Variants in HNRNPA3 observed in about 807,000 individuals in gnomAD.
The protein encoded by HNRNPA3 is epididymis secretory sperm binding protein.
HNRNPA3 carries 3 observed loss-of-function variants against 45.8 expected under a neutral mutation model. That is an observed-to-expected ratio of 0.07 (90% CI 0.03 to 0.17). The LOEUF is 0.17. HNRNPA3 is among the 10% of genes least tolerant of loss of function. The probability of loss-of-function intolerance (pLI) is 1.00; values close to 1 mark genes in which losing one functional copy is unlikely to be tolerated. For missense variants in HNRNPA3, 183 were observed against 480.3 expected (o/e 0.38, Z 5.79); for synonymous variants, 170 against 155.6 (o/e 1.09, Z -0.69).
At chr2:177,223,291 ATTG>A (rs1471780444), downstream of HNRNPA3, 1 of 151,616 alleles carries the variant, frequency 6.6e-6, no homozygotes, top group Non-Finnish European at 1.5e-5. Context: ...TTTTAAGGGC[ATTG>A]TTCTTTCTAG....
Position 177,217,864 on chromosome 2 carries a change from T to C in HNRNPA3, c.961+19T>C, listed in dbSNP as rs200195377. The C allele has an allele frequency of 6.3e-5, 97 of 1,540,568 alleles. No individual in the cohort carries two copies. The highest frequency in any genetic ancestry group is 8.2e-5 in the Non-Finnish European group (94 of 1,146,446). ...GGCGGTGGTAAGCATTCACTTGTTT[T>C]ATTTAAATGTTAAATATTCAGTGTT... On this transcript the variant is annotated intron_variant, in intron 8 of 10. Coordinates refer to ENST00000392524, the Ensembl canonical transcript of HNRNPA3.
intron 1 of HNRNPA3, among the ~76,000 whole-genome samples, chr2:177,214,240 A>G (rs1283010378): frequency 6.6e-6 from 1 of 152,260 alleles, no homozygotes; most frequent in African/African-American, 2.4e-5. Context: ...TAGTCAGACA[A>G]TACATACCAT....
At chr2:177,223,809 AATGTT>A (rs1206891911), downstream of HNRNPA3, 1 of 152,222 alleles carries the variant, frequency 6.6e-6, no homozygotes, top group African/African-American at 2.4e-5. Flanking sequence ...AGTATAATGA[AATGTT>A]TACAGAAAGA....
Position 177,217,751 on chromosome 2 carries a change from T to C in HNRNPA3, c.867T>C (p.Tyr289=), listed in dbSNP as rs565414173. The change falls in exon 8 of 11, where the codon TAT becomes TAC. Residue 289 remains tyrosine, a synonymous_variant. Transcript: ENST00000392524. ...CTGGTTATAGTAGTAGAGGGGGCTA[T>C]GGTGGTGGTGGACCAGGATATGGAA... The C allele has an allele frequency of 6.0e-4, 965 of 1,613,112 alleles. 14 individuals carry two copies. In the South Asian group the frequency reaches 0.01, roughly 17 times the overall value.
downstream of HNRNPA3, chr2:177,221,670 A>C (rs1689191641): frequency 6.6e-6 from 1 of 152,668 alleles, no homozygotes; most frequent in Admixed American, 6.5e-5. Context: ...CTTTTTAAGC[A>C]CAGTGTGGAT....
At chr2:177,217,726 C>G in exon 8 of HNRNPA3, 1 of 1,612,744 alleles carries the variant, frequency 6.2e-7, no homozygotes. Flanking sequence ...GGCGGTGGTC[C>G]TGGTTATAGT....
chr2:177,215,291 C>T lies in HNRNPA3; in HGVS notation c.73-248C>T, dbSNP rs555072998. On this transcript the variant is annotated intron_variant, in intron 1 of 10. Transcript: ENST00000392524. ...TGTGTTTTTAGTAGAGATGGGGTTT[C>T]GCCGTGTTGGCCAGGCTGGTCTCGA... is the stretch of plus-strand genomic sequence containing the variant. Among the ~76,000 whole-genome samples the T allele has an allele frequency of 1.3e-4, 20 of 152,216 alleles. No individual in the cohort carries two copies. In the South Asian group the frequency reaches 3.3e-3, roughly 25 times the overall value.
In HNRNPA3 at chr2:177,212,894, T is replaced by C. The variant is rs776950498; in HGVS notation, c.72+23T>C. 5.1e-6 allele frequency: 7 copies of C among 1,380,970 alleles called. No homozygotes were observed. The Middle Eastern group carries it at 7.7e-4, about 152-fold the overall frequency. The allele number at this position is 1,380,970 out of a possible 1,614,324, so 85.5% of individuals were successfully genotyped here. On this transcript the variant is annotated intron_variant, in intron 1 of 10. Coordinates refer to ENST00000392524, the Ensembl canonical transcript of HNRNPA3. ...GAGGTATTAGGGGGAGAGCGGGGGG[T>C]TGGTGGGGAATGGCCGGCGTTGGGG... is the stretch of plus-strand genomic sequence containing the variant.
At chr2:177,223,468 T>G (rs747501140), downstream of HNRNPA3, 30 of 151,882 alleles carry the variant, frequency 2.0e-4, no homozygotes, top group Admixed American at 3.3e-4. Flanking sequence ...ATTTGTAAGT[T>G]ACTGCTTCTA....
chr2:177,218,052 CTTTT>C (rs58476089), intron 8 of HNRNPA3, among the ~76,000 whole-genome samples: 476 of 102,052 alleles, frequency 4.7e-3, no homozygotes, highest in African/African-American at 0.018. Context: ...TCTCTTTTTT[CTTTT>C]TTTTTTTTTT....
downstream of HNRNPA3, chr2:177,223,246 T>G (rs1181892595): frequency 6.6e-6 from 1 of 152,200 alleles, no homozygotes; most frequent in East Asian, 1.9e-4. Context: ...ATGAATTTCC[T>G]TCACAACATG....
chr2:177,213,731 G>C (rs1208579804), intron 1 of HNRNPA3, among the ~76,000 whole-genome samples: 1 of 152,246 alleles, frequency 6.6e-6, no homozygotes, highest in Non-Finnish European at 1.5e-5. Context: ...TTTGAGTATA[G>C]TATGTTAAGG....
At chr2:177,215,063 C>T (rs1274780345) in intron 1 of HNRNPA3, among the ~76,000 whole-genome samples, 3 of 152,080 alleles carry the variant, frequency 2.0e-5, no homozygotes, top group Non-Finnish European at 4.4e-5. Flanking sequence ...ATAAGTTAGC[C>T]CCTTTAACAG....
chr2:177,219,409 C>CTACA, exon 11 of HNRNPA3: 1 of 926,176 alleles, frequency 1.1e-6, no homozygotes, highest in Non-Finnish European at 1.6e-6. Flanking sequence ...ATTCAACAGG[C>CTACA]TACAGTTCTT....
chr2:177,222,805 G>A (rs1411956321), downstream of HNRNPA3: 1 of 152,594 alleles, frequency 6.6e-6, no homozygotes, highest in East Asian at 1.9e-4. Flanking sequence ...CAGATGTCAT[G>A]GGTAAAGGTT....
Position 177,212,891 on chromosome 2 carries a change from G to A in HNRNPA3, c.72+20G>A, listed in dbSNP as rs1297737358. 3.5e-6 allele frequency: 5 copies of A among 1,424,310 alleles called. No individual in the cohort carries two copies. The highest frequency in any genetic ancestry group is 4.7e-6 in the Non-Finnish European group (5 of 1,060,896). 88.2% of individuals were successfully genotyped at this position (1,424,310 alleles called of 1,614,324 possible). A position where few individuals can be genotyped will look rare whatever the true frequency, so the allele number is the denominator to read the frequency against. On this transcript the variant is annotated intron_variant, in intron 1 of 10. Transcript: ENST00000392524. ...GAGGAGGTATTAGGGGGAGAGCGGG[G>A]GGTTGGTGGGGAATGGCCGGCGTTG...
At chr2:177,217,886 TG>T (rs746998633) in intron 8 of HNRNPA3, 41 bp downstream of exon 8, 1 of 1,498,186 alleles carries the variant, frequency 6.7e-7, no homozygotes, top group Non-Finnish European at 9.0e-7. Context: ...AAATATTCAG[TG>T]TTGCTAACAG....
At chr2:177,216,392 C>T in intron 4 of HNRNPA3, 111 bp from the exon 5 acceptor site, 1 of 790,016 alleles carries the variant, frequency 1.3e-6, no homozygotes, top group Admixed American at 2.4e-5. Context: ...TTACCAGAGT[C>T]ACTACCTGAT....
Position 177,217,696 on chromosome 2 carries a change from T to G in HNRNPA3, c.821-9T>G, listed in dbSNP as rs1448597957. 1 of 1,611,690 alleles carries G rather than the reference T, an allele frequency of 6.2e-7. No homozygotes were observed. The highest frequency in any genetic ancestry group is 8.5e-7 in the Non-Finnish European group (1 of 1,179,280). On this transcript the variant is annotated splice_polypyrimidine_tract_variant and intron_variant, in intron 7 of 10. Transcript: ENST00000392524. Reference sequence around the variant, plus strand: ...TTTTGTGTGGTCTTGTTATTTGTTGTTTTTTTAGGTGGCAACTATGGCGGT... The same window carrying G: ...TTTTGTGTGGTCTTGTTATTTGTTGGTTTTTTAGGTGGCAACTATGGCGGT...
Sources: gnomAD v4.1 joint callset for allele counts (sites outside exome capture counted in the v4.1 genomes callset) on GRCh38, gnomAD v4.1.1 for gene constraint, MANE v1.5 for transcripts, NCBI Gene and HGNC (gene_info 2026-07-23, HGNC 2026-07-21) for gene names.